The following BRSK1 variants were observed in gnomAD, a reference collection of about 807,000 sequenced individuals.
BRSK1 encodes BR serine/threonine kinase 1.
BRSK1 carries 17 observed loss-of-function variants against 86.2 expected under a neutral mutation model. The observed-to-expected ratio is 0.20, with a 90% CI of 0.14 to 0.30. The LOEUF is 0.30. Among genes scored for constraint, BRSK1 ranks in the 10% least tolerant of loss-of-function variants. The probability of loss-of-function intolerance (pLI) is 1.00; values close to 1 mark genes in which losing one functional copy is unlikely to be tolerated. For synonymous variants in BRSK1, 464 were observed against 440.1 expected (o/e 1.05, Z -0.68); for missense variants, 719 against 1,071.9 (o/e 0.67, Z 4.60).
At position 55,302,175 on chromosome 19, in the gene BRSK1, A is replaced by T; in HGVS notation, c.857+7A>T. 6.2e-7 allele frequency: 1 copy of T among 1,603,686 alleles called. No individual in the cohort carries two copies. The highest frequency in any genetic ancestry group is 8.5e-7 in the Non-Finnish European group (1 of 1,174,236). ...AGAAACATCCTTGGTACCTGTGAGT[A>T]TGGGGTAACTGGACTCTTGGGTCCC... On this transcript the variant is annotated splice_region_variant and intron_variant, in intron 9 of 18. Coordinates refer to ENST00000309383, the MANE Select transcript of BRSK1 (RefSeq NM_032430.2). This position sits in a 1 kb window ranked among gnomAD's most constrained non-coding sequence, Gnocchi z 6.3.
At chr19:55,301,943 G>T in intron 8 of BRSK1, 194 bp from the exon 9 acceptor site, 1 of 828,100 alleles carries the variant, frequency 1.2e-6, no homozygotes, top group South Asian at 1.5e-5. Context: ...GCCGGTCCGG[G>T]GTACACGGAG....
chr19:55,295,029 T>C (rs895862764), intron 7 of BRSK1, among the ~76,000 whole-genome samples: 2 of 152,208 alleles, frequency 1.3e-5, no homozygotes, highest in Admixed American at 6.5e-5. Flanking sequence ...TTCGAACTCC[T>C]GGCCTCAAGT....
Position 55,294,428 on chromosome 19 carries a change from T to C in BRSK1, c.678+31T>C, listed in dbSNP as rs766954327. 2 of 1,611,264 alleles carry C rather than the reference T, an allele frequency of 1.2e-6. No homozygotes were observed. On this transcript the variant is annotated intron_variant, in intron 7 of 18. Coordinates refer to ENST00000309383, the MANE Select transcript of BRSK1 (RefSeq NM_032430.2). This position sits in a 1 kb window ranked among gnomAD's most constrained non-coding sequence, Gnocchi z 4.9. Reference sequence around the variant, plus strand: ...GCGCCCTCACCTCTCCTGTCATTTCTAGATCAATCCCACCTGGTGGGAGCA... The same window carrying C: ...GCGCCCTCACCTCTCCTGTCATTTCCAGATCAATCCCACCTGGTGGGAGCA...
rs1009952959 is a variant in BRSK1 at position 55,287,334 on chromosome 19, C to G, written c.317+35C>G. ...TATAGACACCCAGCCCTACCCCATC[C>G]TCCCTCTCCAGGTTACCAGGGTGGG... On this transcript the variant is annotated intron_variant, in intron 3 of 18. Coordinates refer to ENST00000309383, the MANE Select transcript of BRSK1 (RefSeq NM_032430.2). The surrounding 1 kb of genome is among the most constrained non-coding windows in gnomAD (Gnocchi z 5.3). 6.3e-7 allele frequency: 1 copy of G among 1,599,464 alleles called. No homozygotes were observed. The highest frequency in any genetic ancestry group is 2.2e-5 in the East Asian group (1 of 44,798).
At position 55,302,694 on chromosome 19, in the gene BRSK1, C is replaced by A; in HGVS notation, c.858-3C>A. On this transcript the variant is annotated splice_polypyrimidine_tract_variant and splice_region_variant and intron_variant, in intron 9 of 18. Transcript: ENST00000309383. This position sits in a 1 kb window ranked among gnomAD's most constrained non-coding sequence, Gnocchi z 6.3. Reference sequence around the variant, plus strand: ...TCCCAATAATGTTTCTCCACTTCCCCAGAGGCGGGAAACACGAGCCAGACC... The same window carrying A: ...TCCCAATAATGTTTCTCCACTTCCCAAGAGGCGGGAAACACGAGCCAGACC... 4 of 1,602,362 alleles carry A rather than the reference C, an allele frequency of 2.5e-6. No homozygotes were observed. Among genetic ancestry groups the A allele is most frequent in the Non-Finnish European group, 3.4e-6 (4 of 1,171,946 alleles).
intron 8 of BRSK1, 179 bp from the exon 9 acceptor site, chr19:55,301,958 C>T: frequency 1.2e-6 from 1 of 865,182 alleles, no homozygotes. Context: ...ACGGAGACCG[C>T]GCGTGCGCGG....
chr19:55,302,495 G>A lies in BRSK1; in HGVS notation c.858-202G>A. 1.5e-6 allele frequency: 1 copy of A among 681,240 alleles called. No individual in the cohort carries two copies. The allele number at this position is 681,240 out of a possible 1,614,324, so 42.2% of individuals were successfully genotyped here. ...GAGGGGCCGGGGGCCTGGACCCCTC[G>A]GTCGGAGGGAAAAGGGGCTGGAGGT... On this transcript the variant is annotated intron_variant, in intron 9 of 18. Transcript: ENST00000309383. The surrounding 1 kb of genome is among the most constrained non-coding windows in gnomAD (Gnocchi z 6.3).
At chr19:55,295,373 T>G (rs934897882) in intron 7 of BRSK1, among the ~76,000 whole-genome samples, 2 of 152,094 alleles carry the variant, frequency 1.3e-5, no homozygotes, top group African/African-American at 4.8e-5. Context: ...TCTGCCCACC[T>G]CAGTCTCCCA....
rs775484443 is a variant in BRSK1 at position 55,304,923 on chromosome 19, A to G, written c.1717+3A>G. On this transcript the variant is annotated splice_donor_region_variant and intron_variant, in intron 14 of 18. Transcript: ENST00000309383. The surrounding 1 kb of genome is among the most constrained non-coding windows in gnomAD (Gnocchi z 5.2). ...CTTTCACCGGCGCAAGATGCAGGGT[A>G]TGGGGGCATGAACTGCCGAGTCCTA... 2 of 1,606,322 alleles carry G rather than the reference A, an allele frequency of 1.2e-6. No individual in the cohort carries two copies. Among genetic ancestry groups the G allele is most frequent in the South Asian group, 2.2e-5 (2 of 90,976 alleles).
Position 55,302,036 on chromosome 19 carries a change from G to A in BRSK1, c.826-101G>A. 7.5e-7 allele frequency: 1 copy of A among 1,325,938 alleles called. No homozygotes were observed. The highest frequency in any genetic ancestry group is 1.7e-5 in the Admixed American group (1 of 59,656). The allele number at this position is 1,325,938 out of a possible 1,614,324, so 82.1% of individuals were successfully genotyped here. The stretch of plus-strand genomic sequence containing the variant: ...ATCCTGCCCCCGGTGGGGTGGGCGG[G>A]GAGATGATCAGGGACCCCAAAACCA... On this transcript the variant is annotated intron_variant, in intron 8 of 18. Coordinates refer to ENST00000309383, the MANE Select transcript of BRSK1 (RefSeq NM_032430.2). This position sits in a 1 kb window ranked among gnomAD's most constrained non-coding sequence, Gnocchi z 6.3.
chr19:55,303,016 G>T lies in BRSK1; in HGVS notation c.1028+149G>T, dbSNP rs893806975. 1.2e-5 allele frequency: 12 copies of T among 1,033,318 alleles called. No individual in the cohort carries two copies. Among genetic ancestry groups the T allele is most frequent in the Non-Finnish European group, 1.7e-5 (12 of 724,790 alleles). 64.0% of individuals were successfully genotyped at this position (1,033,318 alleles called of 1,614,324 possible). On this transcript the variant is annotated intron_variant, in intron 10 of 18. Coordinates refer to ENST00000309383, the MANE Select transcript of BRSK1 (RefSeq NM_032430.2). The surrounding 1 kb of genome is among the most constrained non-coding windows in gnomAD (Gnocchi z 5.1). Reference sequence around the variant, plus strand: ...GCCTGGGAGTGATGGAACCAGCGGAGAAAACGGCCCAGAAACACGCTGAGA... The same window carrying T: ...GCCTGGGAGTGATGGAACCAGCGGATAAAACGGCCCAGAAACACGCTGAGA...
Position 55,287,405 on chromosome 19 carries a change from T to G in BRSK1, c.317+106T>G, listed in dbSNP as rs2088335131. On this transcript the variant is annotated intron_variant, in intron 3 of 18. Transcript: ENST00000309383. The surrounding 1 kb of genome is among the most constrained non-coding windows in gnomAD (Gnocchi z 5.3). ...TAGGGGGACCTGGGGGACCTGCAGC[T>G]CTCCAGGCTGGACCGCTGAAGGCCC... 1.9e-6 allele frequency: 2 copies of G among 1,073,198 alleles called. No homozygotes were observed. The highest frequency in any genetic ancestry group is 1.6e-5 in the African/African-American group (1 of 63,806). The allele number at this position is 1,073,198 out of a possible 1,614,324, so 66.5% of individuals were successfully genotyped here.
Position 55,302,127 on chromosome 19 carries a change from A to G in BRSK1, c.826-10A>G, listed in dbSNP as rs1484734120. The G allele has an allele frequency of 3.1e-6, 5 of 1,613,584 alleles. No individual in the cohort carries two copies. The highest frequency in any genetic ancestry group is 1.3e-5 in the African/African-American group (1 of 74,754). ...CACTTCTGCTTCTCTACGACTCACC[A>G]CCCTCACAGCTGGAGCAAATTCAGA... On this transcript the variant is annotated splice_polypyrimidine_tract_variant and intron_variant, in intron 8 of 18. Coordinates refer to ENST00000309383, the MANE Select transcript of BRSK1 (RefSeq NM_032430.2). The surrounding 1 kb of genome is among the most constrained non-coding windows in gnomAD (Gnocchi z 6.3).
Position 55,302,604 on chromosome 19 carries a change from C to T in BRSK1, c.858-93C>T. ...GAGAGAGAAGGGGCCGGGGCCTAGACTCGGATTTCGGGGTCCGGGATCATT... is the reference window on the plus strand; with the variant it reads ...GAGAGAGAAGGGGCCGGGGCCTAGATTCGGATTTCGGGGTCCGGGATCATT... On this transcript the variant is annotated intron_variant, in intron 9 of 18. Transcript: ENST00000309383. The surrounding 1 kb of genome is among the most constrained non-coding windows in gnomAD (Gnocchi z 6.3). 1.0e-5 allele frequency: 15 copies of T among 1,487,002 alleles called. No individual in the cohort carries two copies. The highest frequency in any genetic ancestry group is 1.4e-5 in the Non-Finnish European group (15 of 1,098,546). The allele number at this position is 1,487,002 out of a possible 1,614,324, so 92.1% of individuals were successfully genotyped here.
intron 18 of BRSK1, among the ~76,000 whole-genome samples, chr19:55,309,140 T>C (rs1041548019): frequency 8.5e-5 from 13 of 152,090 alleles, no homozygotes; most frequent in Non-Finnish European, 1.5e-4. Context: ...TGCTTGGGAC[T>C]GAAGGGTGTT....
chr19:55,311,918 G>C lies in BRSK1; in HGVS notation c.2187G>C (p.Lys729Asn). The C allele has an allele frequency of 1.2e-6, 2 of 1,611,738 alleles. No homozygotes were observed. The highest frequency in any genetic ancestry group is 2.7e-5 in the African/African-American group (2 of 74,984). ...CCTCTTCCTCCCTTGCAGACGAGAAGAACGGGGCCCAGACCCGGCCTGCTG... is the reference window on the plus strand; with the variant it reads ...CCTCTTCCTCCCTTGCAGACGAGAACAACGGGGCCCAGACCCGGCCTGCTG... ...QPSVQALADE[K>N]NGAQTRPAGA... Residue 729 changes from lysine (K) to asparagine (N), a missense_variant, in exon 19 of 19, where the codon AAG (lysine) becomes AAC (asparagine). By Grantham distance (94) the Lys-to-Asn change is moderately conservative. Transcript: ENST00000309383.
chr19:55,286,964 G>A, intron 1 of BRSK1, 43 bp from the exon 2 acceptor site: 1 of 1,597,892 alleles, frequency 6.3e-7, no homozygotes, highest in Non-Finnish European at 8.6e-7. Context: ...GGGGACGAAG[G>A]GGACCCGGCG....
In BRSK1 at chr19:55,287,165, G is replaced by A; in HGVS notation, c.232-49G>A. 6.2e-7 allele frequency: 1 copy of A among 1,612,162 alleles called. No homozygotes were observed. The highest frequency in any genetic ancestry group is 1.1e-5 in the South Asian group (1 of 91,042). On this transcript the variant is annotated intron_variant, in intron 2 of 18. Coordinates refer to ENST00000309383, the MANE Select transcript of BRSK1 (RefSeq NM_032430.2). The surrounding 1 kb of genome is among the most constrained non-coding windows in gnomAD (Gnocchi z 5.3). ...GCCTCCGGGGCTGAGGGCAGGGGCG[G>A]GGCCGTGCTGACCTCTTTTCCCGTG...
At position 55,308,872 on chromosome 19, in the gene BRSK1, G is replaced by A. The variant is rs185630751; in HGVS notation, c.2179+144G>A. ...GCGGGCAGAGGTCCAGCATGAGCAG[G>A]TGCTCTGGGGTTTGGTTTGCAGAGG... On this transcript the variant is annotated intron_variant, in intron 18 of 18. Transcript: ENST00000309383. 217 of 617,618 alleles carry A rather than the reference G, an allele frequency of 3.5e-4. No individual in the cohort carries two copies. The African/African-American group carries it at 4.1e-3, about 12-fold the overall frequency. The allele number at this position is 617,618 out of a possible 1,614,324, so 38.3% of individuals were successfully genotyped here.
Sources: allele counts gnomAD v4.1 joint callset (sites outside exome capture counted in the v4.1 genomes callset), GRCh38; gene constraint gnomAD v4.1.1; non-coding constraint Gnocchi (gnomAD v3.1); transcripts MANE v1.5; gene names NCBI Gene and HGNC (gene_info 2026-07-23, HGNC 2026-07-21).